Variants in MRPL43 observed in about 807,000 individuals in gnomAD.
MRPL43 encodes large ribosomal subunit protein mL43.
Under a neutral mutation model 12.7 loss-of-function variants are expected in MRPL43, and 9 were observed. The ratio of observed to expected loss-of-function variants is 0.71; its 90% CI spans 0.43 to 1.24. MRPL43 has a LOEUF of 1.24. Among genes scored for constraint, MRPL43 ranks in the 50% most tolerant of loss-of-function variants. MRPL43 has a pLI of 0.00. For synonymous variants in MRPL43, 116 were observed against 96.4 expected, an observed-to-expected ratio of 1.20 and a Z score of -1.19; for missense variants, 211 against 229.2, an observed-to-expected ratio of 0.92 and a Z score of 0.51.
chr10:100,978,590 G>A (rs780089392), downstream of MRPL43: 19 of 1,613,946 alleles, frequency 1.2e-5, no homozygotes, highest in African/African-American at 2.7e-5. Context: ...CGCCGGAGCC[G>A]CCACCCACAC....
downstream of MRPL43, chr10:100,980,629 T>C (rs372822376): frequency 1.5e-5 from 25 of 1,614,092 alleles, no homozygotes; most frequent in African/African-American, 2.7e-5. Context: ...ATGCACATTA[T>C]TGAAGAGACA....
downstream of MRPL43, chr10:100,980,267 T>C: frequency 6.2e-7 from 1 of 1,614,232 alleles, no homozygotes; most frequent in Non-Finnish European, 8.5e-7. Context: ...AAGCGCAACA[T>C]ACGCTACACA....
downstream of MRPL43, chr10:100,980,180 T>C (rs1850996705): frequency 6.2e-7 from 1 of 1,614,270 alleles, no homozygotes. Flanking sequence ...TTGCCATCCC[T>C]GGTCCTGGAC....
chr10:100,984,446 C>T (rs1394221728), downstream of MRPL43: 2 of 1,510,656 alleles, frequency 1.3e-6, no homozygotes, highest in Non-Finnish European at 8.8e-7. Context: ...GGACTCCATC[C>T]TCCTGTTCCA....
downstream of MRPL43, chr10:100,983,800 C>A: frequency 1.2e-6 from 2 of 1,605,624 alleles, no homozygotes; most frequent in South Asian, 1.1e-5. Context: ...CAACTGCAGA[C>A]AGTCTCAGGC....
chr10:100,982,879 G>T (rs74154245), downstream of MRPL43, among the ~76,000 whole-genome samples: 1 of 152,246 alleles, frequency 6.6e-6, no homozygotes, highest in Non-Finnish European at 1.5e-5. Flanking sequence ...GGCTGGTGGT[G>T]CCATTCACAG....
chr10:100,984,539 G>A, downstream of MRPL43: 6 of 1,536,130 alleles, frequency 3.9e-6, no homozygotes, highest in Non-Finnish European at 5.2e-6. Context: ...CCTCTGCATG[G>A]CCCTGTGTGC....
downstream of MRPL43, chr10:100,979,444 G>A (rs559230732): frequency 2.0e-4 from 292 of 1,488,004 alleles, 1 homozygote; most frequent in Middle Eastern, 2.2e-3. Flanking sequence ...GTGCAGTGGC[G>A]CGATCTCGGC....
chr10:100,987,341 G>C lies in MRPL43; in HGVS notation c.103C>G (p.Arg35Gly). 2 of 1,612,470 alleles carry C rather than the reference G, an allele frequency of 1.2e-6. No individual in the cohort carries two copies. The highest frequency in any genetic ancestry group is 1.7e-6 in the Non-Finnish European group (2 of 1,179,844). The change falls in exon 1 of 3, where the codon CGC becomes GGC. Residue 35 changes from arginine to glycine, a missense_variant. Physicochemically the swap from Arg to Gly is moderately radical, Grantham distance 125. Transcript: ENST00000318364. Reference sequence around the variant, plus strand: ...GCGCCGCGAGACGAGGCGCCGTCGCGGCTGACGCTGAAGCTCAGACGCTGC... The same window carrying C: ...GCGCCGCGAGACGAGGCGCCGTCGCCGCTGACGCTGAAGCTCAGACGCTGC... ...QLQRLSFSVS[R>G]DGASSRGARE...
chr10:100,984,648 T>A, downstream of MRPL43: 1 of 1,536,224 alleles, frequency 6.5e-7, no homozygotes, highest in Non-Finnish European at 8.7e-7. Flanking sequence ...TGGGCTGCAG[T>A]GCCCCCACCC....
At chr10:100,984,910 C>G, downstream of MRPL43, 1 of 1,453,794 alleles carries the variant, frequency 6.9e-7, no homozygotes, top group African/African-American at 1.4e-5. Context: ...GAGCTCCAGG[C>G]ATGTCCCATC....
chr10:100,983,857 G>A (rs565974154), downstream of MRPL43: 2 of 1,582,248 alleles, frequency 1.3e-6, no homozygotes, highest in South Asian at 1.2e-5. Context: ...GGGGCTGGGG[G>A]CCTGGAGGGC....
At chr10:100,977,887 G>A (rs1850869849), downstream of MRPL43, 5 of 633,852 alleles carry the variant, frequency 7.9e-6, 1 homozygote, top group South Asian at 9.3e-5. Context: ...GGGCTGCACT[G>A]GAGAACCATT....
chr10:100,983,551 A>G (rs1851240164), downstream of MRPL43: 2 of 1,613,926 alleles, frequency 1.2e-6, no homozygotes, highest in Admixed American at 1.7e-5. Context: ...CTGGCCTCCT[A>G]TAGTCTCACA....
downstream of MRPL43, chr10:100,978,512 A>C (rs1399820635): frequency 2.5e-6 from 4 of 1,611,594 alleles, no homozygotes; most frequent in Admixed American, 1.7e-5. Flanking sequence ...CATGCCTGGA[A>C]TATCCCCACG....
downstream of MRPL43, chr10:100,979,033 C>A: frequency 6.2e-7 from 1 of 1,613,430 alleles, no homozygotes; most frequent in South Asian, 1.1e-5. Context: ...ATTGGGCTGA[C>A]GTTGGGGCAC....
chr10:100,979,008 G>C, downstream of MRPL43: 1 of 1,614,018 alleles, frequency 6.2e-7, no homozygotes, highest in Non-Finnish European at 8.5e-7. Flanking sequence ...CGTGTGGCTC[G>C]TGTCTGCAAG....
chr10:100,982,275 G>A (rs541697230), downstream of MRPL43, among the ~76,000 whole-genome samples: 2 of 152,126 alleles, frequency 1.3e-5, no homozygotes, highest in Non-Finnish European at 2.9e-5. Flanking sequence ...CTGGACAAGT[G>A]GGCAAAGGCC....
rs1851514251 is a variant in MRPL43 at position 100,986,892 on chromosome 10, A to G, written c.322T>C (p.Ser108Pro). The G allele has an allele frequency of 6.2e-7, 1 of 1,612,820 alleles. No homozygotes were observed. Among genetic ancestry groups the G allele is most frequent in the African/African-American group, 1.3e-5 (1 of 75,024 alleles). The stretch of plus-strand genomic sequence containing the variant: ...CGGATGCGGATCACGTCCAAGCCCG[A>G]CTGGTCGGCCAGCTTCTGCACCAGC... Reference protein sequence around the residue: ...STLVQKLADQSGLDVIRIRKP... With the variant: ...STLVQKLADQPGLDVIRIRKP... Residue 108 changes from serine to proline, a missense_variant, in exon 3 of 3, where the codon TCG becomes CCG. Transcript: ENST00000318364.
Sources: allele counts gnomAD v4.1 joint callset (sites outside exome capture counted in the v4.1 genomes callset), GRCh38; gene constraint gnomAD v4.1.1; transcripts MANE v1.5; gene names NCBI Gene and HGNC (gene_info 2026-07-23, HGNC 2026-07-21).